MUC12: variants seen among roughly 807,000 people sequenced by gnomAD.
MUC12 encodes mucin 12, cell surface associated, also known as mucin-12.
In MUC12, 172 loss-of-function variants were observed where a neutral mutation model predicts 230.8. The observed-to-expected ratio is 0.75, with a 90% CI of 0.66 to 0.85. MUC12 has a LOEUF of 0.85. Ranked by LOEUF, MUC12 falls within the 40% of genes least tolerant of loss-of-function variation. The pLI is 0.00. For synonymous variants in MUC12, 1,259 were observed against 2,401.9 expected (o/e 0.52, Z 13.91); for missense variants, 3,506 against 5,920.6 (o/e 0.59, Z 13.38).
chr7:100,995,755 G>A lies in MUC12; in HGVS notation c.5192G>A (p.Ser1731Asn), dbSNP rs1337775891. The A allele has an allele frequency of 2.0e-6, 3 of 1,533,676 alleles. No individual in the cohort carries two copies. The Admixed American group carries it at 5.9e-5, about 30-fold the overall frequency. The change falls in exon 2 of 12, where the codon AGC (serine) becomes AAC (asparagine). Residue 1731 changes from serine (S) to asparagine (N), a missense_variant. Ser to Asn is a conservative substitution (Grantham distance 46). Transcript: ENST00000536621. ...SSTPTTHFSA[S>N]STTLGRSEES... ...ACTCCAACAACCCACTTTTCTGCCA[G>A]CTCCACAACCTTGGGCCGTAGTGAG...
intron 1 of MUC12, among the ~76,000 whole-genome samples, chr7:100,985,591 C>A (rs746045309): frequency 6.6e-6 from 1 of 152,174 alleles, no homozygotes; most frequent in Non-Finnish European, 1.5e-5. Context: ...ACAAGGACAG[C>A]TTGGAGGTTA....
Position 101,015,435 on chromosome 7 carries a change from C to A in MUC12, c.15801-180C>A, listed in dbSNP as rs1375859197. 3.1e-5 allele frequency: 19 copies of A among 604,084 alleles called. No individual in the cohort carries two copies. The East Asian group carries it at 5.1e-4, about 16-fold the overall frequency. The allele number at this position is 604,084 out of a possible 1,614,324, so 37.4% of individuals were successfully genotyped here. The stretch of plus-strand genomic sequence containing the variant: ...GGGCAGCCAGGAGGCCTGGCCAGTG[C>A]TTGCCTTGGTAGAAGGGAAGCCATG... On this transcript the variant is annotated intron_variant, in intron 9 of 11. Coordinates refer to ENST00000536621, the MANE Select transcript of MUC12 (RefSeq NM_001164462.2).
chr7:100,973,069 G>C, intron 1 of MUC12: 1 of 701,324 alleles, frequency 1.4e-6, no homozygotes, highest in Non-Finnish European at 2.6e-6. Flanking sequence ...GACAGGAGCA[G>C]TAAGACCAAG....
In MUC12 at chr7:101,018,743, C is replaced by G. The variant is rs930212302; in HGVS notation, c.*107C>G. On this transcript the variant is annotated 3_prime_UTR_variant, in exon 12 of 12. Coordinates refer to ENST00000536621, the MANE Select transcript of MUC12 (RefSeq NM_001164462.2). ...GTCAAGAGGAGACCGAAGTCAGGCC[C>G]TGAAGCCGGTCCTGCTCTGAGCTGA... 2 of 1,184,062 alleles carry G rather than the reference C, an allele frequency of 1.7e-6. No individual in the cohort carries two copies. Among genetic ancestry groups the G allele is most frequent in the African/African-American group, 3.1e-5 (2 of 64,426 alleles). The allele number at this position is 1,184,062 out of a possible 1,614,324, so 73.3% of individuals were successfully genotyped here.
chr7:100,991,532 C>T lies in MUC12; in HGVS notation c.969C>T (p.Thr323=), dbSNP rs775378482. The change falls in exon 2 of 12, where the codon ACC becomes ACT. Residue 323 remains threonine, a synonymous_variant. Transcript: ENST00000536621. ...CCCACTTTTCTGCCAGCTCCACAAC[C>T]TTGGGCCATAGTGAGGAATCGACAC... ...PTTHFSASST[T]LGHSEESTPV... is the part of the protein sequence containing the mutation. The T allele has an allele frequency of 4.6e-6, 7 of 1,537,018 alleles. No individual in the cohort carries two copies. In the African/African-American group the frequency reaches 5.5e-5, roughly 12 times the overall value.
chr7:101,012,678 C>T, intron 6 of MUC12, 141 bp from the exon 7 acceptor site: 2 of 1,031,706 alleles, frequency 1.9e-6, no homozygotes, highest in Non-Finnish European at 2.9e-6. Context: ...ACAAGCCCAG[C>T]TGCATGTCTA....
At chr7:101,013,590 C>T (rs190108372) in intron 8 of MUC12, among the ~76,000 whole-genome samples, 19 of 152,320 alleles carry the variant, frequency 1.2e-4, no homozygotes, top group African/African-American at 4.1e-4. Context: ...AAAAGAAAAA[C>T]CATGATAACA....
chr7:101,010,897 G>T (rs1019060011), intron 5 of MUC12, among the ~76,000 whole-genome samples: 1 of 151,926 alleles, frequency 6.6e-6, no homozygotes, highest in Non-Finnish European at 1.5e-5. Flanking sequence ...TGATCCTCCC[G>T]CCTCGGCCTC....
chr7:101,008,005 C>T lies in MUC12; in HGVS notation c.15059-629C>T, dbSNP rs148939683. Among the ~76,000 whole-genome samples the T allele has an allele frequency of 9.0e-3, 1,360 of 151,250 alleles. 17 individuals carry two copies. The highest frequency in any genetic ancestry group is 0.031 in the African/African-American group (1,287 of 41,156). On this transcript the variant is annotated intron_variant, in intron 3 of 11. Coordinates refer to ENST00000536621, the MANE Select transcript of MUC12 (RefSeq NM_001164462.2). Reference sequence around the variant, plus strand: ...ATTTTTAGTAGAGATGGGGTTTCACCGTGTTAGCCAGGATTGTCTTGATCT... The same window carrying T: ...ATTTTTAGTAGAGATGGGGTTTCACTGTGTTAGCCAGGATTGTCTTGATCT...
At position 101,005,139 on chromosome 7, in the gene MUC12, C is replaced by G. The variant is rs755310682; in HGVS notation, c.14576C>G (p.Ser4859Ter). Residue 4859 changes from serine to a stop codon, truncating the protein, a stop_gained, in exon 2 of 12, where the codon TCA becomes TGA. Coordinates refer to ENST00000536621, the MANE Select transcript of MUC12 (RefSeq NM_001164462.2). LOFTEE classifies it high-confidence loss of function. ...ESTTFYSSPG[S>*]TETTAFSHSN... is the part of the protein sequence containing the mutation. Reference sequence around the variant, plus strand: ...ACCACCTTCTACAGCAGCCCAGGCTCAACTGAAACCACAGCGTTTTCTCAC... The same window carrying G: ...ACCACCTTCTACAGCAGCCCAGGCTGAACTGAAACCACAGCGTTTTCTCAC... 32 of 1,537,810 alleles carry G rather than the reference C, an allele frequency of 2.1e-5. No homozygotes were observed. The highest frequency in any genetic ancestry group is 2.4e-5 in the South Asian group (2 of 84,066).
At chr7:100,982,711 G>A (rs1171533269) in intron 1 of MUC12, among the ~76,000 whole-genome samples, 1 of 151,956 alleles carries the variant, frequency 6.6e-6, no homozygotes, top group Non-Finnish European at 1.5e-5. Context: ...TTACAGGCAT[G>A]AGCTGCCACA....
At chr7:101,013,880 A>G (rs2116360896) in intron 8 of MUC12, 33 bp from the exon 9 acceptor site, 1 of 1,515,268 alleles carries the variant, frequency 6.6e-7, no homozygotes, top group Non-Finnish European at 8.8e-7. Flanking sequence ...GAGGGATCCC[A>G]GGGGATCAGC....
chr7:100,987,574 T>A (rs1563087951), intron 1 of MUC12, among the ~76,000 whole-genome samples: 1 of 152,166 alleles, frequency 6.6e-6, no homozygotes, highest in Non-Finnish European at 1.5e-5. Context: ...AGGGGCCTTG[T>A]GGGAGTTGTT....
At position 101,005,310 on chromosome 7, in the gene MUC12, G is replaced by A; in HGVS notation, c.14747G>A (p.Gly4916Glu). 2 of 1,537,776 alleles carry A rather than the reference G, an allele frequency of 1.3e-6. No individual in the cohort carries two copies. Among genetic ancestry groups the A allele is most frequent in the Non-Finnish European group, 1.7e-6 (2 of 1,147,014 alleles). The change falls in exon 2 of 12, where the codon GGA becomes GAA. Residue 4916 changes from glycine (G) to glutamate (E), a missense_variant. By Grantham distance (98) the Gly-to-Glu change is moderately conservative. Transcript: ENST00000536621. ...TAFHSSSDAT[G>E]TTPLPARSTA... ...TTCCACAGCAGCTCAGACGCAACTG[G>A]AACAACACCCTTACCTGCCCGCTCC...
chr7:100,982,015 C>T (rs1278252065), intron 1 of MUC12, among the ~76,000 whole-genome samples: 3 of 151,950 alleles, frequency 2.0e-5, no homozygotes, highest in African/African-American at 2.4e-5. Flanking sequence ...TACAGGTGCC[C>T]GCCACCATGC....
chr7:100,992,739 T>C lies in MUC12; in HGVS notation c.2176T>C (p.Ser726Pro), dbSNP rs1384446924. 2 of 1,533,452 alleles carry C rather than the reference T, an allele frequency of 1.3e-6. No homozygotes were observed. The highest frequency in any genetic ancestry group is 1.4e-5 in the African/African-American group (1 of 71,084). 95.0% of individuals were successfully genotyped at this position (1,533,452 alleles called of 1,614,324 possible). A position where few individuals can be genotyped will look rare whatever the true frequency, so the allele number is the denominator to read the frequency against. Reference sequence around the variant, plus strand: ...CCACAGCAGCACAACACACACAATATCTTCAGCTCCTAGCACCACATCTGC... The same window carrying C: ...CCACAGCAGCACAACACACACAATACCTTCAGCTCCTAGCACCACATCTGC... ...TSHSSTTHTI[S>P]SAPSTTSALV... Residue 726 changes from serine to proline, a missense_variant, in exon 2 of 12, where the codon TCT becomes CCT. Coordinates refer to ENST00000536621, the MANE Select transcript of MUC12 (RefSeq NM_001164462.2).
At chr7:100,984,477 G>A (rs1274547291) in intron 1 of MUC12, among the ~76,000 whole-genome samples, 7 of 151,720 alleles carry the variant, frequency 4.6e-5, no homozygotes, top group Non-Finnish European at 7.4e-5. Context: ...GGCTGGCCTC[G>A]AACTCCTGAC....
intron 2 of MUC12, among the ~76,000 whole-genome samples, chr7:101,005,910 A>G (rs1037204496): frequency 2.6e-5 from 4 of 151,376 alleles, no homozygotes; most frequent in Admixed American, 2.0e-4. Flanking sequence ...CGATTCTCCT[A>G]CCTTGTCCTC....
intron 9 of MUC12, 136 bp downstream of exon 9, chr7:101,014,210 C>T (rs2116361570): frequency 1.0e-6 from 1 of 1,004,380 alleles, no homozygotes; most frequent in Non-Finnish European, 1.4e-6. Flanking sequence ...ATGGGGTGCC[C>T]AGACCCTCCC....
Sources: allele counts gnomAD v4.1 joint callset (sites outside exome capture counted in the v4.1 genomes callset), GRCh38; gene constraint gnomAD v4.1.1; transcripts MANE v1.5; gene names NCBI Gene and HGNC (gene_info 2026-07-23, HGNC 2026-07-21).